MBOAT2: variants seen among roughly 807,000 people sequenced by gnomAD.
MBOAT2 encodes membrane-bound glycerophospholipid O-acyltransferase 2.
A neutral mutation model predicts 63.4 loss-of-function variants in MBOAT2; 28 were observed. That is an observed-to-expected ratio of 0.44 (90% confidence interval 0.33 to 0.61). The LOEUF (loss-of-function observed/expected upper bound fraction) is 0.61. MBOAT2 is among the 20% of genes least tolerant of loss of function. The pLI is 0.03. For synonymous variants in MBOAT2, 211 were observed against 215.6 expected (o/e 0.98, Z 0.19); for missense variants, 470 against 605.8 (o/e 0.78, Z 2.35).
chr2:8,933,089 AT>A (rs145484811), intron 3 of MBOAT2, among the ~76,000 whole-genome samples: 7,612 of 152,116 alleles, frequency 0.05, 359 homozygotes, highest in African/African-American at 0.12. Context: ...CAGCTGAATA[AT>A]TTTTTTTATC....
intron 4 of MBOAT2, among the ~76,000 whole-genome samples, chr2:8,896,886 A>T (rs1664519182): frequency 6.6e-6 from 1 of 151,392 alleles, no homozygotes; most frequent in Admixed American, 6.6e-5. Context: ...GGACCTTTGT[A>T]TGATAATTAA....
At chr2:8,998,607 A>T (rs1413423730) in intron 1 of MBOAT2, among the ~76,000 whole-genome samples, 1 of 150,822 alleles carries the variant, frequency 6.6e-6, no homozygotes, top group Non-Finnish European at 1.5e-5. Flanking sequence ...GCAGGGGAAG[A>T]GCGGGGGGCG....
At chr2:8,982,667 C>T (rs1671281689) in intron 1 of MBOAT2, among the ~76,000 whole-genome samples, 1 of 152,148 alleles carries the variant, frequency 6.6e-6, no homozygotes, top group Non-Finnish European at 1.5e-5. Flanking sequence ...TAAGATCTCC[C>T]CAAAAGTGAC....
chr2:8,863,792 G>A lies in MBOAT2; in HGVS notation c.1052+378C>T, dbSNP rs142826684. ...GTTGAATTGAAATATTTAAAACCAG[G>A]ACTGTTCTGGAGTACCCAGGCATAA... On this transcript the variant is annotated intron_variant, in intron 10 of 12. Coordinates refer to ENST00000305997, the MANE Select transcript of MBOAT2 (RefSeq NM_138799.4). Among the ~76,000 whole-genome samples, 22 of 152,256 alleles carry A rather than the reference G, an allele frequency of 1.4e-4. No homozygotes were observed. In the East Asian group the frequency reaches 3.9e-3, roughly 27 times the overall value.
chr2:8,969,260 C>T (rs1055629789), intron 1 of MBOAT2, among the ~76,000 whole-genome samples: 1 of 152,008 alleles, frequency 6.6e-6, no homozygotes, highest in Non-Finnish European at 1.5e-5. Context: ...AATTTCATAT[C>T]CAGCCAAACT....
chr2:8,962,169 C>A (rs1434529219), intron 1 of MBOAT2, among the ~76,000 whole-genome samples: 2 of 152,218 alleles, frequency 1.3e-5, no homozygotes, highest in East Asian at 3.8e-4. Flanking sequence ...TTCACAATAA[C>A]CCTATGAGGA....
chr2:8,907,009 A>C (rs1427176265), intron 4 of MBOAT2, among the ~76,000 whole-genome samples: 2 of 152,228 alleles, frequency 1.3e-5, no homozygotes, highest in Non-Finnish European at 2.9e-5. Flanking sequence ...CAGGACTCTA[A>C]AGGTCAGTGT....
At chr2:8,882,273 G>A (rs920306301) in intron 6 of MBOAT2, among the ~76,000 whole-genome samples, 5 of 152,210 alleles carry the variant, frequency 3.3e-5, no homozygotes, top group African/African-American at 7.2e-5. Context: ...AGCTAACCTC[G>A]TGGCCCATAG....
chr2:8,919,080 C>T (rs1246396054), intron 3 of MBOAT2, among the ~76,000 whole-genome samples: 1 of 152,202 alleles, frequency 6.6e-6, no homozygotes, highest in African/African-American at 2.4e-5. Flanking sequence ...CATATATCAG[C>T]AGTTTGTTCC....
chr2:8,963,572 G>A (rs1181625582), intron 1 of MBOAT2, among the ~76,000 whole-genome samples: 1 of 151,886 alleles, frequency 6.6e-6, no homozygotes, highest in African/African-American at 2.4e-5. Flanking sequence ...CAAAGTGCTG[G>A]GATTATAGGC....
intron 3 of MBOAT2, among the ~76,000 whole-genome samples, chr2:8,917,632 A>G (rs1369011106): frequency 6.6e-6 from 1 of 152,210 alleles, no homozygotes; most frequent in Admixed American, 6.5e-5. Flanking sequence ...ATACACTGCC[A>G]GTGGGAGTGT....
intron 6 of MBOAT2, among the ~76,000 whole-genome samples, chr2:8,878,955 A>G (rs1432245298): frequency 6.6e-6 from 1 of 150,814 alleles, no homozygotes; most frequent in Non-Finnish European, 1.5e-5. Context: ...GGGCGCCTGT[A>G]GTCCCAGCTA....
chr2:8,919,648 A>C (rs1184538801), intron 3 of MBOAT2, among the ~76,000 whole-genome samples: 2 of 152,068 alleles, frequency 1.3e-5, no homozygotes, highest in Non-Finnish European at 2.9e-5. Context: ...TTTTGCAAGT[A>C]TTTTTCTCCT....
At chr2:8,863,355 C>T (rs561757346) in intron 10 of MBOAT2, among the ~76,000 whole-genome samples, 12 of 152,306 alleles carry the variant, frequency 7.9e-5, no homozygotes, top group African/African-American at 2.9e-4. Flanking sequence ...TAAAAAAAGG[C>T]TGCTTATCAC....
At chr2:8,908,529 C>A in intron 4 of MBOAT2, 92 bp downstream of exon 4, 1 of 668,830 alleles carries the variant, frequency 1.5e-6, no homozygotes, top group East Asian at 2.8e-5. Context: ...AATAGCTTTT[C>A]ACTTGAACTA....
intron 4 of MBOAT2, among the ~76,000 whole-genome samples, chr2:8,895,219 T>C (rs1229873773): frequency 6.6e-6 from 1 of 152,192 alleles, no homozygotes; most frequent in Non-Finnish European, 1.5e-5. Flanking sequence ...ATCCTGCTGA[T>C]TGGTCAATTT....
chr2:8,872,887 T>C (rs1662432088), intron 8 of MBOAT2, among the ~76,000 whole-genome samples: 3 of 152,222 alleles, frequency 2.0e-5, no homozygotes, highest in African/African-American at 7.2e-5. Context: ...TCTGTTGTCT[T>C]TCATTGATCC....
intron 4 of MBOAT2, among the ~76,000 whole-genome samples, chr2:8,894,526 G>C (rs1459707034): frequency 6.6e-6 from 1 of 152,170 alleles, no homozygotes; most frequent in African/African-American, 2.4e-5. Flanking sequence ...AGGGCCAAGG[G>C]GGGCCTTCCA....
chr2:8,904,317 T>A (rs1303198127), intron 4 of MBOAT2, among the ~76,000 whole-genome samples: 4 of 88,926 alleles, frequency 4.5e-5, no homozygotes, highest in African/African-American at 3.8e-4. Flanking sequence ...TTATTTTTTA[T>A]TTTTTTTTTT....
Sources: allele counts gnomAD v4.1 joint callset (sites outside exome capture counted in the v4.1 genomes callset), GRCh38; gene constraint gnomAD v4.1.1; transcripts MANE v1.5; gene names NCBI Gene and HGNC (gene_info 2026-07-23, HGNC 2026-07-21).